Variants in NLRP4 observed in about 807,000 individuals in gnomAD.
NLRP4 encodes the protein NACHT, LRR and PYD domains-containing protein 4.
A neutral mutation model predicts 84.7 loss-of-function variants in NLRP4; 44 were observed. The observed-to-expected ratio is 0.52, with a 90% CI of 0.41 to 0.67. The LOEUF is 0.67. Among genes scored for constraint, NLRP4 ranks in the 30% least tolerant of loss-of-function variants. The probability of loss-of-function intolerance (pLI) is 0.00; values close to 1 mark genes in which losing one functional copy is unlikely to be tolerated. For synonymous variants in NLRP4, 544 were observed against 476.4 expected (o/e 1.14, Z -1.85); for missense variants, 1,260 against 1,219.4 (o/e 1.03, Z -0.50).
intron 1 of NLRP4, among the ~76,000 whole-genome samples, chr19:55,838,035 C>CCAAAAAAAAAAAAAAAAAAGGA (rs59078329): frequency 2.3e-5 from 3 of 132,714 alleles, no homozygotes; most frequent in African/African-American, 9.1e-5. Flanking sequence ...GACTCGGTCT[C>CCAAAAAAAAAAAAAAAAAAGGA]AAGCTGGATG....
chr19:55,878,712 C>T, intron 8 of NLRP4, 82 bp from the exon 9 acceptor site: 1 of 1,279,742 alleles, frequency 7.8e-7, no homozygotes, highest in Non-Finnish European at 1.1e-6. Flanking sequence ...GGGTGTGCCT[C>T]AACTAGACGT....
At chr19:55,837,431 C>G (rs1983385791) in intron 1 of NLRP4, among the ~76,000 whole-genome samples, 1 of 152,140 alleles carries the variant, frequency 6.6e-6, no homozygotes, top group Non-Finnish European at 1.5e-5. Context: ...AACACCAGCA[C>G]CTATTCCTAC....
chr19:55,838,832 T>TA (rs1016024150), intron 1 of NLRP4, among the ~76,000 whole-genome samples: 7 of 152,092 alleles, frequency 4.6e-5, no homozygotes, highest in East Asian at 1.9e-4. Flanking sequence ...CCACACTATA[T>TA]AAAAAACAGG....
Position 55,852,174 on chromosome 19 carries a change from C to A in NLRP4, c.94C>A (p.Gln32Lys). Residue 32 changes from glutamine (Q) to lysine (K), a missense_variant, in exon 2 of 10, where the codon CAA becomes AAA. Coordinates refer to ENST00000301295, the MANE Select transcript of NLRP4 (RefSeq NM_134444.5). Reference sequence around the variant, plus strand: ...CAGGAAATTTAAAGAACATCTCAAGCAAATGACTTTGCAGCTTGAACTCAA... The same window carrying A: ...CAGGAAATTTAAAGAACATCTCAAGAAAATGACTTTGCAGCTTGAACTCAA... ...EFRKFKEHLK[Q>K]MTLQLELKQI... is the part of the protein sequence containing the mutation. 1.2e-6 allele frequency: 2 copies of A among 1,609,218 alleles called. No homozygotes were observed. Among genetic ancestry groups the A allele is most frequent in the Non-Finnish European group, 1.7e-6 (2 of 1,178,480 alleles).
rs1345618125 is a variant in NLRP4 at position 55,859,081 on chromosome 19, C to G, written c.1688C>G (p.Pro563Arg). 4 of 1,613,834 alleles carry G rather than the reference C, an allele frequency of 2.5e-6. No individual in the cohort carries two copies. The highest frequency in any genetic ancestry group is 3.4e-6 in the Non-Finnish European group (4 of 1,179,854). Residue 563 changes from proline to arginine, a missense_variant, in exon 3 of 10, where the codon CCT becomes CGT. Physicochemically the swap from Pro to Arg is moderately radical, Grantham distance 103. Coordinates refer to ENST00000301295, the MANE Select transcript of NLRP4 (RefSeq NM_134444.5). ...IFYCLFEMQD[P>R]AFVKQAVNLL... ...TACTGTCTCTTTGAAATGCAGGATC[C>G]TGCCTTTGTGAAGCAGGCAGTGAAC...
At chr19:55,848,541 T>C (rs375545) in intron 1 of NLRP4, among the ~76,000 whole-genome samples, 45,336 of 151,838 alleles carry the variant, frequency 0.3, 8,483 homozygotes, top group African/African-American at 0.53. Context: ...GTAGCTGGGA[T>C]TACAGGTACC....
intron 5 of NLRP4, among the ~76,000 whole-genome samples, chr19:55,863,033 C>T (rs1600233968): frequency 6.6e-6 from 1 of 152,278 alleles, no homozygotes; most frequent in African/African-American, 2.4e-5. Context: ...AAGACAGGCA[C>T]TAAAGCATTC....
At chr19:55,860,738 G>A (rs915394960) in intron 3 of NLRP4, among the ~76,000 whole-genome samples, 2 of 152,144 alleles carry the variant, frequency 1.3e-5, no homozygotes, top group Admixed American at 6.6e-5. Flanking sequence ...TGAAGATGTC[G>A]ACTTAATGGC....
intron 6 of NLRP4, among the ~76,000 whole-genome samples, chr19:55,869,118 G>A (rs1262400500): frequency 2.0e-5 from 3 of 152,146 alleles, no homozygotes; most frequent in Non-Finnish European, 4.4e-5. Context: ...AGAGATTTCA[G>A]GATGCAGTTC....
chr19:55,852,340 A>C lies in NLRP4; in HGVS notation c.260A>C (p.Lys87Thr). 1.2e-6 allele frequency: 2 copies of C among 1,603,622 alleles called. No individual in the cohort carries two copies. Residue 87 changes from lysine to threonine, a missense_variant, in exon 2 of 10, where the codon AAG becomes ACG. Coordinates refer to ENST00000301295, the MANE Select transcript of NLRP4 (RefSeq NM_134444.5). ...QKMDRKDLCM[K>T]VMRERTGYTK... ...ATGGATAGAAAGGATCTCTGCATGAAGGTCATGAGGGAGAGAACAGGTGAG... is the reference window on the plus strand; with the variant it reads ...ATGGATAGAAAGGATCTCTGCATGACGGTCATGAGGGAGAGAACAGGTGAG...
intron 1 of NLRP4, among the ~76,000 whole-genome samples, chr19:55,842,962 T>G (rs1005518592): frequency 6.6e-6 from 1 of 151,074 alleles, no homozygotes; most frequent in Non-Finnish European, 1.5e-5. Context: ...GGTTTCACCG[T>G]GTTAGCCAGG....
intron 1 of NLRP4, among the ~76,000 whole-genome samples, chr19:55,849,394 T>C (rs936392035): frequency 1.3e-5 from 2 of 152,226 alleles, no homozygotes; most frequent in Non-Finnish European, 2.9e-5. Flanking sequence ...GGATCATTTC[T>C]ATAGTTCACT....
intron 5 of NLRP4, among the ~76,000 whole-genome samples, chr19:55,867,046 A>T (rs1023267814): frequency 2.7e-5 from 4 of 148,748 alleles, no homozygotes; most frequent in Admixed American, 2.7e-4. Flanking sequence ...AAGCATGCAT[A>T]TAACTGAGAC....
At chr19:55,872,108 A>G (rs980969071) in intron 7 of NLRP4, among the ~76,000 whole-genome samples, 1 of 152,160 alleles carries the variant, frequency 6.6e-6, no homozygotes, top group East Asian at 1.9e-4. Context: ...TCGGCCTCCC[A>G]AAGTGCTGGG....
intron 1 of NLRP4, among the ~76,000 whole-genome samples, chr19:55,850,850 C>T (rs1207495190): frequency 1.2e-5 from 1 of 83,080 alleles, no homozygotes; most frequent in Non-Finnish European, 2.0e-5. Flanking sequence ...GTGTAATTTA[C>T]GAGGCTGCGG....
At chr19:55,867,679 A>G in intron 5 of NLRP4, 30 bp from the exon 6 acceptor site, 1 of 1,600,074 alleles carries the variant, frequency 6.2e-7, no homozygotes. Context: ...CTAGAAACCA[A>G]CAGAATGTGA....
At position 55,870,212 on chromosome 19, in the gene NLRP4, T is replaced by A. The variant is rs143141120; in HGVS notation, c.2355-615T>A. ...ACTTTACCAGTCCCTGAGGGAGCGG[T>A]CTCAGAAGGTCCATGTCTTGTCCAA... is the stretch of plus-strand genomic sequence containing the variant. On this transcript the variant is annotated intron_variant, in intron 6 of 9. Transcript: ENST00000301295. Among the ~76,000 whole-genome samples the A allele has an allele frequency of 3.7e-3, 560 of 152,228 alleles. 7 individuals carry two copies. The highest frequency in any genetic ancestry group is 0.024 in the East Asian group (122 of 5,176).
rs755364643 is a variant in NLRP4 at position 55,858,025 on chromosome 19, AC to A, written c.636del (p.Ala213LeufsTer4). 1 of 1,614,074 alleles carries A rather than the reference AC, an allele frequency of 6.2e-7. No homozygotes were observed. The highest frequency in any genetic ancestry group is 2.2e-5 in the East Asian group (1 of 44,870). On this transcript the variant is annotated frameshift_variant, in exon 3 of 10. Coordinates refer to ENST00000301295, the MANE Select transcript of NLRP4 (RefSeq NM_134444.5). LOFTEE classifies it high-confidence loss of function. The surrounding 1 kb of genome is among the most constrained non-coding windows in gnomAD (Gnocchi z 4.2). ...LADLISREWP[D>X]PAAPITEIVS... ...GACTTGATTTCCAGAGAGTGGCCTG[AC>A]CCCGCTGCTCCTATAACAGAGATCG...
intron 1 of NLRP4, among the ~76,000 whole-genome samples, chr19:55,845,338 C>T (rs1983754626): frequency 6.6e-6 from 1 of 151,694 alleles, no homozygotes; most frequent in Non-Finnish European, 1.5e-5. Flanking sequence ...CATCCATGTC[C>T]CCACAAAGGA....
Sources: allele counts gnomAD v4.1 joint callset (sites outside exome capture counted in the v4.1 genomes callset), GRCh38; gene constraint gnomAD v4.1.1; non-coding constraint Gnocchi (gnomAD v3.1); transcripts MANE v1.5; gene names NCBI Gene and HGNC (gene_info 2026-07-23, HGNC 2026-07-21).